Variants in RFX7 observed in about 807,000 individuals in gnomAD.
RFX7 encodes the protein DNA-binding protein RFX7.
A neutral mutation model predicts 111.8 loss-of-function variants in RFX7; 26 were observed. The ratio of observed to expected loss-of-function variants is 0.23; its 90% CI spans 0.17 to 0.32. RFX7 has a LOEUF of 0.32. Among genes scored for constraint, RFX7 ranks in the 10% least tolerant of loss-of-function variants. The pLI is 1.00. For synonymous variants in RFX7, 624 were observed against 624.4 expected (o/e 1.00, Z 0.01); for missense variants, 1,573 against 1,772.9 (o/e 0.89, Z 2.02).
chr15:56,233,403 C>T (rs2043589730), intron 2 of RFX7, among the ~76,000 whole-genome samples: 2 of 152,286 alleles, frequency 1.3e-5, no homozygotes, highest in South Asian at 4.1e-4. Flanking sequence ...CACCAGGTCC[C>T]TCTCACAACA....
chr15:56,231,230 G>A (rs1171927646), intron 2 of RFX7, among the ~76,000 whole-genome samples: 1 of 152,190 alleles, frequency 6.6e-6, no homozygotes, highest in African/African-American at 2.4e-5. Flanking sequence ...AATAATCCAG[G>A]AATGACATGG....
At chr15:56,239,991 T>TC (rs2043669863) in intron 2 of RFX7, among the ~76,000 whole-genome samples, 1 of 112,336 alleles carries the variant, frequency 8.9e-6, no homozygotes, top group African/African-American at 3.1e-5. Flanking sequence ...TTTCTTTTTT[T>TC]TTTTTTTTTT....
intron 5 of RFX7, among the ~76,000 whole-genome samples, chr15:56,113,005 C>T (rs888897196): frequency 2.0e-5 from 3 of 152,140 alleles, no homozygotes; most frequent in Non-Finnish European, 4.4e-5. Context: ...AGAAACAACA[C>T]ATGTTGGCAA....
chr15:56,242,373 G>T (rs2043704717), intron 2 of RFX7, among the ~76,000 whole-genome samples: 1 of 152,074 alleles, frequency 6.6e-6, no homozygotes, highest in African/African-American at 2.4e-5. Flanking sequence ...TAGACTTTAG[G>T]AGTTTAATGC....
At position 56,095,324 on chromosome 15, in the gene RFX7, T is replaced by C. The variant is rs1269003100; in HGVS notation, c.2404A>G (p.Ile802Val). The C allele has an allele frequency of 1.2e-6, 2 of 1,613,976 alleles. No homozygotes were observed. The highest frequency in any genetic ancestry group is 2.2e-5 in the South Asian group (2 of 91,080). Reference protein sequence around the residue: ...ISASCEQQQDISVMTIPEHSD... With the variant: ...ISASCEQQQDVSVMTIPEHSD... The stretch of plus-strand genomic sequence containing the variant: ...TGCTCAGGAATTGTCATAACACTGA[T>C]ATCTTGCTGTTGTTCACAACTGGCA... Residue 802 changes from isoleucine (I) to valine (V), a missense_variant, in exon 10 of 10, where the codon ATC becomes GTC. Transcript: ENST00000559447.
At chr15:56,175,568 C>T (rs2141121535) in intron 3 of RFX7, among the ~76,000 whole-genome samples, 1 of 152,072 alleles carries the variant, frequency 6.6e-6, no homozygotes, top group African/African-American at 2.4e-5. Context: ...AAAATAAGAG[C>T]CTAGAAAAAC....
At position 56,090,159 on chromosome 15, in the gene RFX7, C is replaced by G. The variant is rs1385900646; in HGVS notation, c.*3186G>C. ...TGGAAATGTCTATACTGCTTTTGAA[C>G]ACAGCTATGCTTAAAATTTTCTCAT... On this transcript the variant is annotated 3_prime_UTR_variant, in exon 10 of 10. Transcript: ENST00000559447. The G allele has an allele frequency of 6.6e-6, 1 of 152,186 alleles. No individual in the cohort carries two copies. Among genetic ancestry groups the G allele is most frequent in the Non-Finnish European group, 1.5e-5 (1 of 68,022 alleles). 9.4% of individuals were successfully genotyped at this position (152,186 alleles called of 1,614,324 possible).
At chr15:56,204,677 A>G (rs1305049427) in intron 2 of RFX7, among the ~76,000 whole-genome samples, 2 of 152,192 alleles carry the variant, frequency 1.3e-5, no homozygotes, top group Admixed American at 1.3e-4. Context: ...GAGCTATACT[A>G]TCTACCCATA....
chr15:56,221,911 T>C (rs549514134), intron 2 of RFX7, among the ~76,000 whole-genome samples: 108 of 152,332 alleles, frequency 7.1e-4, no homozygotes, highest in African/African-American at 2.4e-3. Context: ...ACAGAAAATA[T>C]GTACTTTAAA....
At chr15:56,193,034 G>T in intron 2 of RFX7, 1 of 228,850 alleles carries the variant, frequency 4.4e-6, no homozygotes, top group East Asian at 1.1e-4. Flanking sequence ...AAAAGCCTTA[G>T]GGTTTTCTAC....
chr15:56,121,190 C>T (rs11634404), intron 5 of RFX7, among the ~76,000 whole-genome samples: 19,570 of 152,152 alleles, frequency 0.13, 1,643 homozygotes, highest in East Asian at 0.44. Flanking sequence ...AATGAAATCC[C>T]TAAGCTTTTG....
intron 2 of RFX7, among the ~76,000 whole-genome samples, chr15:56,205,113 T>C (rs576981952): frequency 2.0e-5 from 3 of 152,300 alleles, no homozygotes; most frequent in South Asian, 2.1e-4. Context: ...CCAAAAAATA[T>C]TGTCTAATTT....
At chr15:56,102,091 G>T in intron 7 of RFX7, 78 bp downstream of exon 7, 5 of 1,036,486 alleles carry the variant, frequency 4.8e-6, no homozygotes, top group Non-Finnish European at 7.2e-6. Context: ...TTAACCAAAT[G>T]AGACTTTGCA....
chr15:56,094,374 A>G lies in RFX7; in HGVS notation c.3354T>C (p.Phe1118=). The G allele has an allele frequency of 1.2e-6, 2 of 1,614,006 alleles. No individual in the cohort carries two copies. Among genetic ancestry groups the G allele is most frequent in the Non-Finnish European group, 1.7e-6 (2 of 1,179,880 alleles). The part of the protein sequence containing the change: ...QSQSRHHDTH[F]GRLTPVSPVQ... ...CAGGAGAGACAGGAGTCAAACGACC[A>G]AAATGAGTGTCATGATGTCTGGATT... The change falls in exon 10 of 10, where the codon TTT becomes TTC. Residue 1118 remains phenylalanine (F), a synonymous_variant. Coordinates refer to ENST00000559447, the MANE Select transcript of RFX7 (RefSeq NM_022841.7).
Position 56,094,683 on chromosome 15 carries a change from G to A in RFX7, c.3045C>T (p.Pro1015=), listed in dbSNP as rs745436008. 3 of 1,613,726 alleles carry A rather than the reference G, an allele frequency of 1.9e-6. No individual in the cohort carries two copies. The highest frequency in any genetic ancestry group is 2.5e-6 in the Non-Finnish European group (3 of 1,179,768). Residue 1015 remains proline (P), a synonymous_variant, in exon 10 of 10, where the codon CCC becomes CCT. Transcript: ENST00000559447. ...ACGGATTCCTGCATTCAACAGGGCT[G>A]GGGGGGACACTACTGCTGCAGTTAG... ...PHSNCSSSVP[P]SPVECRNPFA...
chr15:56,189,586 G>A (rs1309114233), intron 2 of RFX7, among the ~76,000 whole-genome samples: 2 of 151,990 alleles, frequency 1.3e-5, no homozygotes, highest in African/African-American at 4.8e-5. Flanking sequence ...CAAACAACTG[G>A]AATAGATATT....
intron 2 of RFX7, among the ~76,000 whole-genome samples, chr15:56,179,812 A>ACC: frequency 7.8e-6 from 1 of 128,224 alleles, no homozygotes. Context: ...ACACACACAC[A>ACC]CCAGTAACAG....
In RFX7 at chr15:56,128,778, A is replaced by G. The variant is rs535945077; in HGVS notation, c.401+14000T>C. ...GAAAGGAAGAGGTAAAATTATCTCTATTTTCAGATGAAATAGATAAAAAAA... is the reference window on the plus strand; with the variant it reads ...GAAAGGAAGAGGTAAAATTATCTCTGTTTTCAGATGAAATAGATAAAAAAA... On this transcript the variant is annotated intron_variant, in intron 5 of 9. Transcript: ENST00000559447. Among the ~76,000 whole-genome samples the G allele has an allele frequency of 4.6e-5, 7 of 152,224 alleles. No individual in the cohort carries two copies. In the South Asian group the frequency reaches 1.0e-3, roughly 23 times the overall value.
At chr15:56,116,657 T>C (rs996707565) in intron 5 of RFX7, among the ~76,000 whole-genome samples, 10 of 151,982 alleles carry the variant, frequency 6.6e-5, no homozygotes, top group Non-Finnish European at 1.3e-4. Context: ...CAAGAACATA[T>C]AAGAAAGGCA....
Sources: gnomAD v4.1 joint callset for allele counts (sites outside exome capture counted in the v4.1 genomes callset) on GRCh38, gnomAD v4.1.1 for gene constraint, MANE v1.5 for transcripts, NCBI Gene and HGNC (gene_info 2026-07-23, HGNC 2026-07-21) for gene names.